The following SYNPR variants were observed in gnomAD, a reference collection of about 807,000 sequenced individuals.
SYNPR encodes the protein synaptoporin.
A neutral mutation model predicts 32.9 loss-of-function variants in SYNPR; 23 were observed. The observed-to-expected ratio is 0.70, with a 90% CI of 0.50 to 0.99. The LOEUF (loss-of-function observed/expected upper bound fraction) is 0.99. Among genes scored for constraint, SYNPR ranks in the 50% least tolerant of loss-of-function variants. The pLI is 0.00. For synonymous variants in SYNPR, 146 were observed against 135.9 expected, an observed-to-expected ratio of 1.07 and a Z score of -0.52; for missense variants, 318 against 349.3, an observed-to-expected ratio of 0.91 and a Z score of 0.71.
At chr3:63,202,965 A>G in the SYNPR span, among the ~76,000 whole-genome samples, 1 of 151,330 alleles carries the variant, frequency 6.6e-6, no homozygotes, top group Admixed American at 6.6e-5. Flanking sequence ...TCTTTAATCT[A>G]TGGTAGCTGG....
intron 4 of SYNPR, among the ~76,000 whole-genome samples, chr3:63,578,654 T>C (rs977196418): frequency 1.4e-4 from 22 of 152,130 alleles, no homozygotes; most frequent in African/African-American, 4.8e-4. Flanking sequence ...GATTTTGAAA[T>C]GAGTAAATGG....
intron 2 of SYNPR, among the ~76,000 whole-genome samples, chr3:63,331,639 C>A (rs1374543194): frequency 2.0e-5 from 3 of 151,996 alleles, no homozygotes; most frequent in Non-Finnish European, 4.4e-5. Flanking sequence ...TCCATGCTAA[C>A]ACTTTTACTT....
At chr3:63,475,298 T>C (rs114824903) in intron 2 of SYNPR, among the ~76,000 whole-genome samples, 1,549 of 152,176 alleles carry the variant, frequency 0.01, 22 homozygotes, top group African/African-American at 0.035. Flanking sequence ...TCATTGCAGG[T>C]GATTTATTTT....
intron 3 of SYNPR, among the ~76,000 whole-genome samples, chr3:63,510,646 C>G (rs1340019131): frequency 6.6e-6 from 1 of 152,092 alleles, no homozygotes; most frequent in East Asian, 1.9e-4. Context: ...TATTTATACC[C>G]TGGTGAGTTT....
intron 3 of SYNPR, among the ~76,000 whole-genome samples, chr3:63,498,682 T>C (rs1363534298): frequency 3.3e-5 from 5 of 151,970 alleles, no homozygotes; most frequent in Admixed American, 3.3e-4. Flanking sequence ...GAAGGAAGAC[T>C]AGTGTGGCGA....
upstream of SYNPR, among the ~76,000 whole-genome samples, chr3:63,275,112 G>A (rs1355584191): frequency 6.6e-6 from 1 of 152,210 alleles, no homozygotes; most frequent in African/African-American, 2.4e-5. Flanking sequence ...TATCATGATA[G>A]ATTCATCATA....
At chr3:63,462,845 G>T (rs530043455) in intron 2 of SYNPR, among the ~76,000 whole-genome samples, 3 of 152,258 alleles carry the variant, frequency 2.0e-5, no homozygotes, top group African/African-American at 7.2e-5. Context: ...ATAAAATTTT[G>T]ATGCCCTCAA....
intron 2 of SYNPR, among the ~76,000 whole-genome samples, chr3:63,318,458 C>A (rs756243376): frequency 7.9e-5 from 12 of 151,768 alleles, no homozygotes; most frequent in Admixed American, 1.3e-4. Flanking sequence ...TTTTCTTATT[C>A]TTTTTTCTTT....
intron 2 of SYNPR, among the ~76,000 whole-genome samples, chr3:63,264,095 A>G (rs192978546): frequency 8.5e-5 from 13 of 152,300 alleles, no homozygotes; most frequent in Admixed American, 4.6e-4. Flanking sequence ...GTCTCCACAA[A>G]GCCCAGGCTC....
the SYNPR span, among the ~76,000 whole-genome samples, chr3:63,202,961 A>C: frequency 3.3e-5 from 5 of 151,360 alleles, no homozygotes; most frequent in South Asian, 1.0e-3. Context: ...GATTTCTTTA[A>C]TCTATGGTAG....
At chr3:63,595,044 C>T (rs764955026) in intron 4 of SYNPR, among the ~76,000 whole-genome samples, 1 of 152,102 alleles carries the variant, frequency 6.6e-6, no homozygotes, top group Non-Finnish European at 1.5e-5. Flanking sequence ...GAAAGAAAAA[C>T]TGAGGTAGGG....
At position 63,411,203 on chromosome 3, in the gene SYNPR, G is replaced by A. The variant is rs2088460766; in HGVS notation, c.85-69629G>A. On this transcript the variant is annotated intron_variant, in intron 2 of 5. Coordinates refer to ENST00000478300, the MANE Select transcript of SYNPR (RefSeq NM_001130003.2). ...CTAACTTAATGGTGTGTGGGTGGGT[G>A]GGAAGTTAAAGTCTGAGGAGTCTGA... 3.3e-5 allele frequency among the ~76,000 whole-genome samples: 5 copies of A among 152,212 alleles called. No homozygotes were observed. In the South Asian group the frequency reaches 1.0e-3, roughly 32 times the overall value.
At chr3:63,202,717 T>C in the SYNPR span, among the ~76,000 whole-genome samples, 1 of 152,210 alleles carries the variant, frequency 6.6e-6, no homozygotes, top group African/African-American at 2.4e-5. Context: ...CAAACACATT[T>C]GAGCATTGGA....
At chr3:63,467,822 A>G (rs79123813) in intron 2 of SYNPR, among the ~76,000 whole-genome samples, 3,244 of 152,214 alleles carry the variant, frequency 0.021, 96 homozygotes, top group East Asian at 0.13. Flanking sequence ...ATGCATTGTA[A>G]CAAGTTCCTG....
chr3:63,407,853 C>A (rs904583100), intron 2 of SYNPR, among the ~76,000 whole-genome samples: 1 of 152,106 alleles, frequency 6.6e-6, no homozygotes, highest in South Asian at 2.1e-4. Context: ...CACTACCATG[C>A]TGATATCAAC....
intron 2 of SYNPR, among the ~76,000 whole-genome samples, chr3:63,470,699 C>A (rs1327282517): frequency 6.6e-6 from 1 of 152,180 alleles, no homozygotes; most frequent in African/African-American, 2.4e-5. Context: ...TCCCAACCCT[C>A]TTCCTCTTGC....
chr3:63,259,364 G>C (rs2086417460), intron 2 of SYNPR, among the ~76,000 whole-genome samples: 1 of 152,122 alleles, frequency 6.6e-6, no homozygotes, highest in Non-Finnish European at 1.5e-5. Flanking sequence ...ACATCAAAAA[G>C]CTTATCCACC....
At chr3:63,281,446 C>T (rs966563880) in intron 2 of SYNPR, among the ~76,000 whole-genome samples, 2 of 152,136 alleles carry the variant, frequency 1.3e-5, no homozygotes, top group South Asian at 4.1e-4. Flanking sequence ...AACTGGATAG[C>T]TTATACACAA....
chr3:63,404,467 A>T (rs1025161309), intron 2 of SYNPR, among the ~76,000 whole-genome samples: 1 of 152,208 alleles, frequency 6.6e-6, no homozygotes, highest in East Asian at 1.9e-4. Context: ...AAGAAAATCA[A>T]TTATCAATTA....
Sources: gnomAD v4.1 joint callset for allele counts (sites outside exome capture counted in the v4.1 genomes callset) on GRCh38, gnomAD v4.1.1 for gene constraint, MANE v1.5 for transcripts, NCBI Gene and HGNC (gene_info 2026-07-23, HGNC 2026-07-21) for gene names.